The following NAA15 variants were observed in gnomAD, a reference collection of about 807,000 sequenced individuals.
The protein encoded by NAA15 is N-terminal acetyltransferase.
NAA15 carries 34 observed loss-of-function variants against 114.0 expected under a neutral mutation model. The ratio of observed to expected loss-of-function variants is 0.30; its 90% CI spans 0.23 to 0.40. The LOEUF is 0.40. Ranked by LOEUF, NAA15 falls within the 10% of genes least tolerant of loss-of-function variation. The pLI, the probability that NAA15 is intolerant of heterozygous loss-of-function variation, is 1.00. For synonymous variants in NAA15, 340 were observed against 338.0 expected (o/e 1.01, Z -0.06); for missense variants, 658 against 1,004.5 (o/e 0.66, Z 4.66).
intron 16 of NAA15, 151 bp downstream of exon 16, chr4:139,376,624 G>A (rs774049219): frequency 1.3e-5 from 8 of 626,004 alleles, no homozygotes; most frequent in Admixed American, 9.2e-5. Context: ...AACAGAATGT[G>A]TAGGGAGATA....
intron 11 of NAA15, among the ~76,000 whole-genome samples, chr4:139,358,860 T>C (rs1347011182): frequency 6.6e-6 from 1 of 152,170 alleles, no homozygotes; most frequent in Non-Finnish European, 1.5e-5. Flanking sequence ...CTCATGCCTG[T>C]AATCCCAGCA....
At chr4:139,359,648 CATTT>C in intron 11 of NAA15, 91 bp from the exon 12 acceptor site, 1 of 1,242,470 alleles carries the variant, frequency 8.0e-7, no homozygotes, top group Non-Finnish European at 1.1e-6. Context: ...CCTTTACTTT[CATTT>C]GTTTTTAAAT....
chr4:139,315,046 G>GT (rs1560953006), intron 1 of NAA15, among the ~76,000 whole-genome samples: 9 of 92,642 alleles, frequency 9.7e-5, no homozygotes, highest in African/African-American at 2.7e-4. Flanking sequence ...GTTAGGTTAG[G>GT]TTAGGTTAGT....
chr4:139,383,655 G>C (rs1466470220), intron 17 of NAA15, among the ~76,000 whole-genome samples: 1 of 152,174 alleles, frequency 6.6e-6, no homozygotes, highest in African/African-American at 2.4e-5. Context: ...ATTTTTAGCA[G>C]AGACGGGGTT....
chr4:139,336,383 A>C (rs945002258), intron 2 of NAA15, among the ~76,000 whole-genome samples: 2 of 152,146 alleles, frequency 1.3e-5, no homozygotes, highest in Non-Finnish European at 2.9e-5. Flanking sequence ...TTTTAAAATA[A>C]ATTTAGGAAA....
At chr4:139,314,253 A>G (rs1039985819) in intron 1 of NAA15, among the ~76,000 whole-genome samples, 6 of 151,818 alleles carry the variant, frequency 4.0e-5, no homozygotes, top group Non-Finnish European at 1.5e-5. Context: ...GGCTCACAAC[A>G]TACAAGGGGA....
chr4:139,354,646 C>G (rs955082261), intron 10 of NAA15, among the ~76,000 whole-genome samples: 2 of 152,164 alleles, frequency 1.3e-5, no homozygotes, highest in Non-Finnish European at 2.9e-5. Context: ...TTAAAAACAT[C>G]TACAAAACTA....
At chr4:139,352,758 C>A (rs1747822962) in intron 9 of NAA15, among the ~76,000 whole-genome samples, 1 of 150,274 alleles carries the variant, frequency 6.7e-6, no homozygotes, top group Non-Finnish European at 1.5e-5. Context: ...ACCTCTGCCT[C>A]CCGGGTTCAA....
intron 1 of NAA15, among the ~76,000 whole-genome samples, chr4:139,325,790 A>G (rs1021317128): frequency 3.9e-5 from 6 of 152,148 alleles, no homozygotes; most frequent in African/African-American, 1.4e-4. Flanking sequence ...CAGGGAGTAC[A>G]GGCATGCCAC....
chr4:139,305,560 G>C (rs530995893), intron 1 of NAA15, among the ~76,000 whole-genome samples: 5 of 144,526 alleles, frequency 3.5e-5, no homozygotes, highest in African/African-American at 1.0e-4. Context: ...TTTTTGAGAC[G>C]GAGTTTCGCT....
chr4:139,378,698 C>T lies in NAA15; in HGVS notation c.2057-58C>T, dbSNP rs778705887. 4.6e-6 allele frequency: 5 copies of T among 1,083,592 alleles called. No homozygotes were observed. The Admixed American group carries it at 1.3e-4, about 28-fold the overall frequency. The allele number at this position is 1,083,592 out of a possible 1,614,324, so 67.1% of individuals were successfully genotyped here. ...TTTTTCTATTTGTGAAGTCTTGGCC[C>T]TCCAAAGGAGGCCTCTTATCCAATG... On this transcript the variant is annotated intron_variant, in intron 16 of 19. Transcript: ENST00000296543.
At chr4:139,303,249 T>C (rs1045437431) in intron 1 of NAA15, among the ~76,000 whole-genome samples, 5 of 152,182 alleles carry the variant, frequency 3.3e-5, no homozygotes, top group Non-Finnish European at 7.3e-5. Context: ...TAAAATAGTT[T>C]TAGGAAAAAA....
At chr4:139,349,645 C>T (rs1170087341) in intron 7 of NAA15, 64 bp downstream of exon 7, 5 of 1,431,076 alleles carry the variant, frequency 3.5e-6, no homozygotes, top group Non-Finnish European at 4.7e-6. Context: ...TTTATTTACT[C>T]ATTGAAAAGC....
intron 18 of NAA15, among the ~76,000 whole-genome samples, chr4:139,385,390 T>C (rs535792859): frequency 6.7e-6 from 1 of 149,466 alleles, no homozygotes; most frequent in African/African-American, 2.5e-5. Context: ...TGGTCTCTTC[T>C]GGTTCAGCAT....
chr4:139,381,138 A>G (rs1451772301), intron 17 of NAA15, among the ~76,000 whole-genome samples: 1 of 152,178 alleles, frequency 6.6e-6, no homozygotes, highest in African/African-American at 2.4e-5. Flanking sequence ...ATATGTTGTT[A>G]TACTAACAAT....
chr4:139,317,889 G>A (rs911663462), intron 1 of NAA15, among the ~76,000 whole-genome samples: 3 of 152,038 alleles, frequency 2.0e-5, no homozygotes, highest in African/African-American at 7.2e-5. Flanking sequence ...TCCTTGTTTT[G>A]CAGATTTCTA....
At chr4:139,314,224 G>T (rs555233412) in intron 1 of NAA15, among the ~76,000 whole-genome samples, 1 of 151,886 alleles carries the variant, frequency 6.6e-6, no homozygotes, top group Non-Finnish European at 1.5e-5. Context: ...ATCAGATGTA[G>T]ATGGGTGTGG....
intron 17 of NAA15, chr4:139,379,113 GT>G: frequency 3.6e-6 from 1 of 277,562 alleles, no homozygotes. Flanking sequence ...AAAGTTACAT[GT>G]AAGTTGAAAT....
chr4:139,343,791 C>T (rs1011038375), intron 5 of NAA15, among the ~76,000 whole-genome samples: 5 of 152,186 alleles, frequency 3.3e-5, no homozygotes, highest in Admixed American at 1.3e-4. Flanking sequence ...GCCTATTGCT[C>T]ATCAAACTTT....
Sources: allele counts gnomAD v4.1 joint callset (sites outside exome capture counted in the v4.1 genomes callset), GRCh38; gene constraint gnomAD v4.1.1; transcripts MANE v1.5; gene names NCBI Gene and HGNC (gene_info 2026-07-23, HGNC 2026-07-21).